Variants in CEP192 observed in about 807,000 individuals in gnomAD.
CEP192 encodes centrosomal protein of 192 kDa.
Under a neutral mutation model 271.8 loss-of-function variants are expected in CEP192, and 151 were observed. The observed-to-expected ratio is 0.56, with a 90% confidence interval of 0.49 to 0.64. The LOEUF (loss-of-function observed/expected upper bound fraction) is 0.64, where lower values mean the gene tolerates loss of function less well. Ranked by LOEUF, CEP192 falls within the 30% of genes least tolerant of loss-of-function variation. The pLI is 0.00. For missense variants in CEP192, 2,910 were observed against 3,020.5 expected (o/e 0.96, Z 0.86); for synonymous variants, 995 against 1,076.5 (o/e 0.92, Z 1.48).
chr18:13,014,755 G>A (rs945807750), intron 5 of CEP192, among the ~76,000 whole-genome samples: 15 of 151,896 alleles, frequency 9.9e-5, no homozygotes, highest in African/African-American at 3.4e-4. Flanking sequence ...AAATCAGTGC[G>A]CATTTTCCAA....
In CEP192 at chr18:13,104,963, GT is replaced by G; in HGVS notation, c.6952-18del. The G allele has an allele frequency of 1.3e-6, 2 of 1,573,038 alleles. No individual in the cohort carries two copies. The highest frequency in any genetic ancestry group is 1.8e-6 in the Non-Finnish European group (2 of 1,142,690). ...CCATTGGCTTTATGGTTTTTAATTT[GT>G]TTAAATGATTGCTTTGCAGGGAGTT... is the stretch of plus-strand genomic sequence containing the variant. On this transcript the variant is annotated intron_variant, in intron 39 of 44. Coordinates refer to ENST00000506447, the MANE Select transcript of CEP192 (RefSeq NM_032142.4).
chr18:13,052,892 CAGG>C, intron 17 of CEP192, 24 bp from the exon 18 acceptor site: 1 of 1,255,428 alleles, frequency 8.0e-7, no homozygotes, highest in African/African-American at 1.5e-5. Flanking sequence ...TGGAGAACTC[CAGG>C]TGTGAGCTAC....
intron 28 of CEP192, among the ~76,000 whole-genome samples, 172 bp downstream of exon 28, chr18:13,071,384 T>C (rs1048619488): frequency 1.3e-5 from 2 of 152,212 alleles, no homozygotes; most frequent in African/African-American, 2.4e-5. Context: ...CTTTAACATA[T>C]ATTCCAGTCC....
intron 30 of CEP192, among the ~76,000 whole-genome samples, chr18:13,076,146 G>A (rs900152907): frequency 4.6e-5 from 7 of 152,200 alleles, no homozygotes; most frequent in African/African-American, 1.4e-4. Flanking sequence ...CAACATTTCA[G>A]TAGCACTGAG....
chr18:13,085,804 G>T lies in CEP192; in HGVS notation c.5617-1213G>T, dbSNP rs150326551. On this transcript the variant is annotated intron_variant, in intron 30 of 44. Coordinates refer to ENST00000506447, the MANE Select transcript of CEP192 (RefSeq NM_032142.4). ...CTGTTTTGGTTACTGTAACCTTGTAGTATAGTTTGAAGTCAGGTGGCGTGA... is the reference window on the plus strand; with the variant it reads ...CTGTTTTGGTTACTGTAACCTTGTATTATAGTTTGAAGTCAGGTGGCGTGA... Among the ~76,000 whole-genome samples, 643 of 152,120 alleles carry T rather than the reference G, an allele frequency of 4.2e-3. 5 individuals are homozygous for T. Among genetic ancestry groups the T allele is most frequent in the African/African-American group, 0.014 (595 of 41,520 alleles).
chr18:13,018,184 A>G (rs970059957), intron 7 of CEP192, among the ~76,000 whole-genome samples: 9 of 152,150 alleles, frequency 5.9e-5, no homozygotes, highest in Non-Finnish European at 1.2e-4. Context: ...GGCTAAGGTG[A>G]TGTCAGCTGG....
chr18:13,116,068 T>C (rs1374421272), intron 42 of CEP192, among the ~76,000 whole-genome samples: 1 of 152,132 alleles, frequency 6.6e-6, no homozygotes, highest in Non-Finnish European at 1.5e-5. Context: ...GTACAGTCGG[T>C]ACTGCAGCGT....
chr18:13,029,601 T>C, intron 9 of CEP192, 62 bp from the exon 10 acceptor site: 1 of 1,026,298 alleles, frequency 9.7e-7, no homozygotes, highest in Admixed American at 3.0e-5. Context: ...AATTTTAAAA[T>C]AAGTTATAAA....
rs1438947641 is a variant in CEP192, at chr18:13,029,977, C to G, written c.1365C>G (p.His455Gln). 1 of 1,549,540 alleles carries G rather than the reference C, an allele frequency of 6.5e-7. No individual in the cohort carries two copies. The highest frequency in any genetic ancestry group is 1.4e-5 in the African/African-American group (1 of 72,962). The stretch of plus-strand genomic sequence containing the variant: ...GTGAAAGGCGAACATGTGAATGTCA[C>G]GAGTCCATCGAAAAGAATAAAGACA... ...PTCERRTCEC[H>Q]ESIEKNKDKT... is the part of the protein sequence containing the mutation. Residue 455 changes from histidine (H) to glutamine (Q), a missense_variant, in exon 10 of 45, where the codon CAC becomes CAG. Physicochemically the swap from His to Gln is conservative, Grantham distance 24. Transcript: ENST00000506447.
Position 13,096,429 on chromosome 18 carries a change from A to C in CEP192, c.6557+122A>C, listed in dbSNP as rs2039402867. Reference sequence around the variant, plus strand: ...GAATTTTGCACCGTGCTGACTCTGCACAAAGCATGTGCATGGTTCTGCAGG... The same window carrying C: ...GAATTTTGCACCGTGCTGACTCTGCCCAAAGCATGTGCATGGTTCTGCAGG... On this transcript the variant is annotated intron_variant, in intron 36 of 44. Transcript: ENST00000506447. 6.1e-6 allele frequency: 8 copies of C among 1,310,916 alleles called. No homozygotes were observed. In the South Asian group the frequency reaches 1.2e-4, roughly 19 times the overall value. 81.2% of individuals were successfully genotyped at this position (1,310,916 alleles called of 1,614,324 possible). A position where few individuals can be genotyped will look rare whatever the true frequency, so the allele number is the denominator to read the frequency against.
intron 15 of CEP192, among the ~76,000 whole-genome samples, chr18:13,048,156 A>C (rs1378756616): frequency 6.6e-6 from 1 of 152,224 alleles, no homozygotes; most frequent in Non-Finnish European, 1.5e-5. Context: ...TGGTCAACTG[A>C]GGTGCAAAAA....
chr18:13,050,043 G>T, intron 17 of CEP192, 152 bp downstream of exon 17: 1 of 609,486 alleles, frequency 1.6e-6, no homozygotes, highest in South Asian at 2.7e-5. Flanking sequence ...ATTTTTCTGT[G>T]CAAACTTTTG....
At chr18:13,009,269 C>T (rs995214740) in intron 4 of CEP192, among the ~76,000 whole-genome samples, 1 of 152,198 alleles carries the variant, frequency 6.6e-6, no homozygotes, top group East Asian at 1.9e-4. Flanking sequence ...TCCTCTTAAC[C>T]TTGTTGACTC....
chr18:13,100,374 C>T lies in CEP192; in HGVS notation c.6733C>T (p.Pro2245Ser). 1.9e-6 allele frequency: 3 copies of T among 1,613,928 alleles called. No individual in the cohort carries two copies. The highest frequency in any genetic ancestry group is 2.2e-5 in the East Asian group (1 of 44,864). Reference protein sequence around the residue: ...VELLTRLTSKPFGILSPVSEP... With the variant: ...VELLTRLTSKSFGILSPVSEP... ...ACTTTTAACTCGTTTGACCTCCAAA[C>T]CATTTGGAATTCTTTCCCCAGTATC... is the stretch of plus-strand genomic sequence containing the variant. The change falls in exon 38 of 45, where the codon CCA (proline) becomes TCA (serine). Residue 2245 changes from proline to serine, a missense_variant. Coordinates refer to ENST00000506447, the MANE Select transcript of CEP192 (RefSeq NM_032142.4).
intron 21 of CEP192, among the ~76,000 whole-genome samples, chr18:13,059,913 T>G (rs1257908810): frequency 6.6e-6 from 1 of 152,206 alleles, no homozygotes; most frequent in Non-Finnish European, 1.5e-5. Context: ...TTACAAATCA[T>G]AGCCTTAGTT....
intron 15 of CEP192, among the ~76,000 whole-genome samples, chr18:13,044,023 T>A (rs2036347820): frequency 6.6e-6 from 1 of 152,166 alleles, no homozygotes; most frequent in African/African-American, 2.4e-5. Context: ...TATATACTCT[T>A]AGTTATTTGT....
chr18:13,028,567 T>G (rs1229883705), intron 9 of CEP192, among the ~76,000 whole-genome samples: 5 of 152,246 alleles, frequency 3.3e-5, no homozygotes, highest in African/African-American at 1.2e-4. Context: ...TCCCCCAGGC[T>G]GGAGTGCAAT....
intron 40 of CEP192, among the ~76,000 whole-genome samples, chr18:13,108,768 G>T (rs959679511): frequency 6.6e-6 from 1 of 152,166 alleles, no homozygotes; most frequent in South Asian, 2.1e-4. Flanking sequence ...CTACCTACTT[G>T]GGAGGCTGAG....
At position 13,069,004 on chromosome 18, in the gene CEP192, C is replaced by T; in HGVS notation, c.4962+13C>T. 1 of 1,614,188 alleles carries T rather than the reference C, an allele frequency of 6.2e-7. No homozygotes were observed. Among genetic ancestry groups the T allele is most frequent in the East Asian group, 2.2e-5 (1 of 44,880 alleles). On this transcript the variant is annotated intron_variant, in intron 25 of 44. Transcript: ENST00000506447. Reference sequence around the variant, plus strand: ...CAGGGACTTGCAGGTAGCCTCAGTCCTCCTTTCTGCCGTTACTGCTTTCAT... The same window carrying T: ...CAGGGACTTGCAGGTAGCCTCAGTCTTCCTTTCTGCCGTTACTGCTTTCAT...
Sources: gnomAD v4.1 joint callset for allele counts (sites outside exome capture counted in the v4.1 genomes callset) on GRCh38, gnomAD v4.1.1 for gene constraint, MANE v1.5 for transcripts, NCBI Gene and HGNC (gene_info 2026-07-23, HGNC 2026-07-21) for gene names.